The following CCSER1 variants were observed in gnomAD, a reference collection of about 807,000 sequenced individuals.
CCSER1 encodes the protein serine-rich coiled-coil domain-containing protein 1.
A neutral mutation model predicts 82.0 loss-of-function variants in CCSER1; 41 were observed. That is an observed-to-expected ratio of 0.50 (90% CI 0.39 to 0.65). The LOEUF is 0.65. CCSER1 is among the 30% of genes least tolerant of loss of function. The pLI is 0.00. For missense variants in CCSER1, 1,119 were observed against 1,064.2 expected, an observed-to-expected ratio of 1.05 and a Z score of -0.72; for synonymous variants, 414 against 383.9, an observed-to-expected ratio of 1.08 and a Z score of -0.92.
In CCSER1 at chr4:90,691,185, A is replaced by T. The variant is rs898155967; in HGVS notation, c.1933-32729A>T. On this transcript the variant is annotated intron_variant, in intron 6 of 10. Transcript: ENST00000509176. Reference sequence around the variant, plus strand: ...AAGTTTATTAATAAGGTAGAAACACAACTCTTTTAATTTTACTATTAAATC... The same window carrying T: ...AAGTTTATTAATAAGGTAGAAACACTACTCTTTTAATTTTACTATTAAATC... Among the ~76,000 whole-genome samples, 3 of 152,042 alleles carry T rather than the reference A, an allele frequency of 2.0e-5. No individual in the cohort carries two copies. In the South Asian group the frequency reaches 6.2e-4, roughly 31 times the overall value.
chr4:90,617,307 C>T (rs1201411803), intron 5 of CCSER1, among the ~76,000 whole-genome samples: 4 of 152,034 alleles, frequency 2.6e-5, no homozygotes, highest in Admixed American at 2.0e-4. Flanking sequence ...AGCTTTTATT[C>T]TCTCACCTCT....
intron 10 of CCSER1, among the ~76,000 whole-genome samples, chr4:91,153,645 C>T (rs1021627841): frequency 2.0e-5 from 3 of 151,868 alleles, no homozygotes; most frequent in Admixed American, 6.5e-5. Flanking sequence ...GTGGTTTTAT[C>T]TACCATTGGT....
Position 91,150,902 on chromosome 4 carries a change from G to A in CCSER1, c.2217+64908G>A, listed in dbSNP as rs142412510. On this transcript the variant is annotated intron_variant, in intron 10 of 10. Coordinates refer to ENST00000509176, the MANE Select transcript of CCSER1 (RefSeq NM_001145065.2). ...TTTTATTGAGGAATTTTGCATTGAT[G>A]TTCATCAGGGATATTGGTCTAAAAT... Among the ~76,000 whole-genome samples the A allele has an allele frequency of 9.0e-3, 1,371 of 152,268 alleles. 20 individuals carry two copies. Among genetic ancestry groups the A allele is most frequent in the African/African-American group, 0.031 (1,287 of 41,564 alleles).
intron 10 of CCSER1, among the ~76,000 whole-genome samples, chr4:91,143,394 C>T (rs551815162): frequency 6.6e-6 from 1 of 151,970 alleles, no homozygotes; most frequent in East Asian, 1.9e-4. Context: ...GATTATGTAG[C>T]ATTTTCTAGG....
At chr4:90,587,832 A>G (rs1782204083) in intron 5 of CCSER1, among the ~76,000 whole-genome samples, 1 of 152,238 alleles carries the variant, frequency 6.6e-6, no homozygotes, top group Non-Finnish European at 1.5e-5. Flanking sequence ...TAGTTTTAAT[A>G]AACTGGAAAA....
chr4:90,411,359 G>A (rs1209148379), intron 4 of CCSER1, among the ~76,000 whole-genome samples: 2 of 152,174 alleles, frequency 1.3e-5, no homozygotes, highest in Non-Finnish European at 2.9e-5. Flanking sequence ...GATGAACACT[G>A]ATGCAAAAAT....
At chr4:90,513,476 T>C (rs868032500) in intron 5 of CCSER1, among the ~76,000 whole-genome samples, 1 of 152,214 alleles carries the variant, frequency 6.6e-6, no homozygotes, top group African/African-American at 2.4e-5. Context: ...GTTGCAGTTA[T>C]GAAAACAAGA....
chr4:91,251,436 G>T (rs895393306), intron 10 of CCSER1, among the ~76,000 whole-genome samples: 1 of 152,082 alleles, frequency 6.6e-6, no homozygotes, highest in African/African-American at 2.4e-5. Context: ...AAATTTGTGG[G>T]GAGGGGACAC....
At chr4:90,799,203 A>C (rs142965881) in intron 7 of CCSER1, among the ~76,000 whole-genome samples, 40 of 152,234 alleles carry the variant, frequency 2.6e-4, no homozygotes, top group African/African-American at 9.1e-4. Context: ...GTGTCCCGGA[A>C]GGTGGAGTGG....
intron 7 of CCSER1, among the ~76,000 whole-genome samples, chr4:90,753,550 A>G (rs112100600): frequency 6.6e-5 from 10 of 152,196 alleles, no homozygotes; most frequent in Non-Finnish European, 1.3e-4. Context: ...ATATATAAAT[A>G]TATTCCAAAT....
At chr4:90,412,471 T>TA (rs900404695) in intron 4 of CCSER1, among the ~76,000 whole-genome samples, 2 of 133,084 alleles carry the variant, frequency 1.5e-5, no homozygotes, top group Non-Finnish European at 3.3e-5. Flanking sequence ...ATAATAATAA[T>TA]AAAAAAAAGA....
intron 5 of CCSER1, among the ~76,000 whole-genome samples, chr4:90,505,931 G>A (rs945571247): frequency 5.3e-5 from 8 of 151,984 alleles, no homozygotes; most frequent in Admixed American, 2.6e-4. Flanking sequence ...TTATTTAACC[G>A]TTTGGGTAAA....
intron 1 of CCSER1, among the ~76,000 whole-genome samples, chr4:90,201,505 AT>A (rs1737695836): frequency 6.7e-6 from 1 of 150,298 alleles, no homozygotes; most frequent in African/African-American, 2.4e-5. Flanking sequence ...GGTGAAATTA[AT>A]TTTATTAATA....
intron 6 of CCSER1, among the ~76,000 whole-genome samples, chr4:90,654,047 C>T (rs1729256990): frequency 6.6e-6 from 1 of 152,080 alleles, no homozygotes; most frequent in Non-Finnish European, 1.5e-5. Context: ...TGAGAATTCA[C>T]TCATTATCAC....
chr4:91,496,539 G>A lies in CCSER1; in HGVS notation c.2218-102033G>A, dbSNP rs528433936. ...CTTTCTACAAAAAATATATGAACAT[G>A]AGTGGTATAGTTGGCATAAATCTTG... On this transcript the variant is annotated intron_variant, in intron 10 of 10. Coordinates refer to ENST00000509176, the MANE Select transcript of CCSER1 (RefSeq NM_001145065.2). Among the ~76,000 whole-genome samples, 77 of 132,136 alleles carry A rather than the reference G, an allele frequency of 5.8e-4. 1 individual carries two copies. The highest frequency in any genetic ancestry group is 4.7e-3 in the Middle Eastern group (1 of 212). 86.7% of individuals were successfully genotyped at this position (132,136 alleles called of 152,430 possible).
chr4:90,279,878 G>A lies in CCSER1; in HGVS notation c.-41-28366G>A, dbSNP rs138829005. Reference sequence around the variant, plus strand: ...TGTATATTTTGAAACACAAGTAGATGGCTTGTGAATGCTAGTTAAATATTA... The same window carrying A: ...TGTATATTTTGAAACACAAGTAGATAGCTTGTGAATGCTAGTTAAATATTA... On this transcript the variant is annotated intron_variant, in intron 1 of 10. Coordinates refer to ENST00000509176, the MANE Select transcript of CCSER1 (RefSeq NM_001145065.2). Among the ~76,000 whole-genome samples the A allele has an allele frequency of 8.0e-3, 1,223 of 152,044 alleles. 15 individuals are homozygous for A. The highest frequency in any genetic ancestry group is 0.028 in the African/African-American group (1,150 of 41,494).
intron 8 of CCSER1, among the ~76,000 whole-genome samples, chr4:90,829,675 A>C (rs897289080): frequency 1.3e-5 from 2 of 152,162 alleles, no homozygotes; most frequent in South Asian, 2.1e-4. Context: ...AGAACATGAA[A>C]GAAAGGAAAA....
At chr4:90,845,046 T>G (rs75385001) in intron 8 of CCSER1, among the ~76,000 whole-genome samples, 27,494 of 152,040 alleles carry the variant, frequency 0.18, 2,776 homozygotes, top group South Asian at 0.27. Context: ...TGAGACAATA[T>G]CTGGCACATA....
At chr4:90,671,665 A>G (rs1370949957) in intron 6 of CCSER1, among the ~76,000 whole-genome samples, 1 of 152,008 alleles carries the variant, frequency 6.6e-6, no homozygotes, top group Non-Finnish European at 1.5e-5. Flanking sequence ...TGATATTTTG[A>G]CTTCCTCCCA....
Sources: gnomAD v4.1 joint callset for allele counts (sites outside exome capture counted in the v4.1 genomes callset) on GRCh38, gnomAD v4.1.1 for gene constraint, MANE v1.5 for transcripts, NCBI Gene and HGNC (gene_info 2026-07-23, HGNC 2026-07-21) for gene names.